PCDHA5: variants seen among roughly 807,000 people sequenced by gnomAD.
PCDHA5 encodes the protein protocadherin alpha 5.
In PCDHA5, 43 loss-of-function variants were observed where a neutral mutation model predicts 61.6. The ratio of observed to expected loss-of-function variants is 0.70; its 90% CI spans 0.55 to 0.90. PCDHA5 has a LOEUF of 0.90. Ranked by LOEUF, PCDHA5 falls within the 40% of genes least tolerant of loss-of-function variation. The pLI is 0.00. For missense variants in PCDHA5, 1,298 were observed against 1,222.7 expected (o/e 1.06, Z -0.92); for synonymous variants, 627 against 543.9 (o/e 1.15, Z -2.13).
chr5:140,907,360 T>C (rs1241355980), intron 1 of PCDHA5, among the ~76,000 whole-genome samples: 1 of 152,186 alleles, frequency 6.6e-6, no homozygotes, highest in Admixed American at 6.5e-5. Flanking sequence ...TGCACTTCTT[T>C]AGTCGTAAAG....
intron 1 of PCDHA5, among the ~76,000 whole-genome samples, chr5:140,844,762 T>C (rs1779533544): frequency 6.7e-6 from 1 of 149,418 alleles, no homozygotes; most frequent in Non-Finnish European, 1.5e-5. Context: ...CTTTGAAAAA[T>C]CCAAGATACT....
chr5:140,923,152 T>C (rs2153567399), intron 1 of PCDHA5, among the ~76,000 whole-genome samples: 1 of 152,204 alleles, frequency 6.6e-6, no homozygotes, highest in South Asian at 2.1e-4. Context: ...TAAAAAAAAT[T>C]ATAGAAAGAT....
In PCDHA5 at chr5:140,858,149, G is replaced by A. The variant is rs782725386; in HGVS notation, c.2352+34022G>A. The A allele has an allele frequency of 1.5e-5, 24 of 1,597,456 alleles. 4 individuals carry two copies. The highest frequency in any genetic ancestry group is 1.3e-4 in the African/African-American group (10 of 74,378). ...GGATGTCAACGTGTACCTGATCATC[G>A]CCATCTGCGCGGTGTCCAGCTTGCT... On this transcript the variant is annotated intron_variant, in intron 1 of 3. Transcript: ENST00000529859.
rs375652776 is a variant in PCDHA5, at chr5:140,968,862, G to A, written c.2353-10087G>A. The A allele has an allele frequency of 1.9e-5, 31 of 1,614,126 alleles. No individual in the cohort carries two copies. The highest frequency in any genetic ancestry group is 1.5e-4 in the South Asian group (14 of 91,062). The stretch of plus-strand genomic sequence containing the variant: ...ACTCAGAGGCATGTTAAGAGCCCTC[G>A]GACATACTCTGAAATTACCCTTTAT... On this transcript the variant is annotated intron_variant, in intron 1 of 3. Transcript: ENST00000529859.
chr5:140,883,150 C>T, intron 1 of PCDHA5: 1 of 1,613,910 alleles, frequency 6.2e-7, no homozygotes, highest in Non-Finnish European at 8.5e-7. Flanking sequence ...ATGCATTTAC[C>T]ATAAATCCGA....
intron 1 of PCDHA5, chr5:140,869,124 G>C: frequency 6.2e-7 from 1 of 1,608,632 alleles, no homozygotes; most frequent in East Asian, 2.2e-5. Flanking sequence ...TTCAGAGAAG[G>C]GGATTGGGCA....
chr5:140,836,229 G>C, intron 1 of PCDHA5: 1 of 1,613,818 alleles, frequency 6.2e-7, no homozygotes, highest in Non-Finnish European at 8.5e-7. Flanking sequence ...ACCGGTGGCG[G>C]CCGGTGCGAG....
intron 3 of PCDHA5, 125 bp downstream of exon 3, chr5:140,982,688 A>G: frequency 6.4e-6 from 9 of 1,415,764 alleles, no homozygotes; most frequent in African/African-American, 1.4e-5. Flanking sequence ...CCTTTTTTCC[A>G]TACATACATG....
At chr5:140,869,529 T>A in intron 1 of PCDHA5, 2 of 1,614,166 alleles carry the variant, frequency 1.2e-6, no homozygotes, top group Non-Finnish European at 1.7e-6. Flanking sequence ...AGCTGCTGAT[T>A]GCGGAATCTA....
rs782772973 is a variant in PCDHA5, at chr5:140,855,915, T to C, written c.2352+31788T>C. 2.5e-5 allele frequency: 30 copies of C among 1,191,312 alleles called. 2 individuals are homozygous for C. Among genetic ancestry groups the C allele is most frequent in the Non-Finnish European group, 3.1e-5 (26 of 850,126 alleles). 73.8% of individuals were successfully genotyped at this position (1,191,312 alleles called of 1,614,324 possible). A position where few individuals can be genotyped will look rare whatever the true frequency, so the allele number is the denominator to read the frequency against. On this transcript the variant is annotated intron_variant, in intron 1 of 3. Coordinates refer to ENST00000529859, the MANE Select transcript of PCDHA5 (RefSeq NM_018908.3). The stretch of plus-strand genomic sequence containing the variant: ...AGGCATCAGCCAGTTTCTCAAGGAC[T>C]AGGAAGTAGCGTCATTCTGAGATCT...
chr5:140,850,583 C>T, intron 1 of PCDHA5: 2 of 1,598,412 alleles, frequency 1.3e-6, no homozygotes, highest in South Asian at 1.1e-5. Context: ...TGGTGGATGT[C>T]AACGTGTACC....
At chr5:140,870,919 C>A in intron 1 of PCDHA5, 1 of 1,613,952 alleles carries the variant, frequency 6.2e-7, no homozygotes. Context: ...CAACGCGTGG[C>A]TTTCATATGA....
chr5:140,843,555 TG>T, intron 1 of PCDHA5: 1 of 1,595,708 alleles, frequency 6.3e-7, no homozygotes, highest in African/African-American at 1.3e-5. Context: ...TCCAGTGCGG[TG>T]GGGAGCTGGT....
chr5:140,849,905 G>T (rs373526467), intron 1 of PCDHA5: 1 of 1,598,310 alleles, frequency 6.3e-7, no homozygotes, highest in Non-Finnish European at 8.6e-7. Context: ...ACAACCCGCC[G>T]GGCTGCCACA....
chr5:140,939,565 A>G (rs560033193), intron 1 of PCDHA5, among the ~76,000 whole-genome samples: 24 of 152,096 alleles, frequency 1.6e-4, no homozygotes, highest in African/African-American at 5.8e-4. Flanking sequence ...TAGTTTGGTT[A>G]ATCAAAATGG....
At chr5:140,881,070 T>C (rs1461614506) in intron 1 of PCDHA5, among the ~76,000 whole-genome samples, 6 of 152,208 alleles carry the variant, frequency 3.9e-5, no homozygotes, top group Non-Finnish European at 8.8e-5. Flanking sequence ...CAGATAATTA[T>C]TGGAGCTATG....
In PCDHA5 at chr5:140,829,870, G is replaced by T. The variant is rs2150176653; in HGVS notation, c.2352+5743G>T. 13 of 1,613,946 alleles carry T rather than the reference G, an allele frequency of 8.1e-6. No individual in the cohort carries two copies. The South Asian group carries it at 1.4e-4, about 18-fold the overall frequency. ...TGGGTGCAGGCCAAGTGGTGGCGAA[G>T]GTGCGCGCAGTTGACGCCGACTCAG... On this transcript the variant is annotated intron_variant, in intron 1 of 3. Transcript: ENST00000529859.
chr5:140,856,672 G>A (rs1356609367), intron 1 of PCDHA5: 2 of 1,597,818 alleles, frequency 1.3e-6, no homozygotes, highest in East Asian at 4.5e-5. Flanking sequence ...CTCAGCTAAA[G>A]TTGTTGTTGA....
intron 1 of PCDHA5, among the ~76,000 whole-genome samples, chr5:140,904,556 T>A (rs1360933277): frequency 5.3e-5 from 8 of 151,780 alleles, no homozygotes; most frequent in Admixed American, 5.3e-4. Context: ...ATATAATGAC[T>A]TTTTTTTCCT....
Sources: allele counts gnomAD v4.1 joint callset (sites outside exome capture counted in the v4.1 genomes callset), GRCh38; gene constraint gnomAD v4.1.1; transcripts MANE v1.5; gene names NCBI Gene and HGNC (gene_info 2026-07-23, HGNC 2026-07-21).